Variants in WFDC2 observed in about 807,000 individuals in gnomAD.
WFDC2 encodes the protein WAP four-disulfide core domain protein 2.
A neutral mutation model predicts 12.5 loss-of-function variants in WFDC2; 8 were observed. The ratio of observed to expected loss-of-function variants is 0.64; its 90% CI spans 0.37 to 1.15. The LOEUF (loss-of-function observed/expected upper bound fraction) is 1.15. WFDC2 is among the 50% of genes most tolerant of loss of function. The pLI is 0.01. For missense variants in WFDC2, 166 were observed against 159.9 expected (o/e 1.04, Z -0.21); for synonymous variants, 74 against 67.2 (o/e 1.10, Z -0.49).
chr20:45,476,107 A>G (rs1050947017), intron 2 of WFDC2, among the ~76,000 whole-genome samples: 1 of 152,136 alleles, frequency 6.6e-6, no homozygotes, highest in Non-Finnish European at 1.5e-5. Context: ...CAGCACACCA[A>G]TGGGTCTTGA....
At chr20:45,469,996 G>T (rs1384966985) in intron 1 of WFDC2, 136 bp downstream of exon 1, 1 of 1,121,012 alleles carries the variant, frequency 8.9e-7, no homozygotes, top group East Asian at 2.6e-5. Flanking sequence ...GACCCTTGGA[G>T]CCTAGGGTGT....
chr20:45,478,333 C>T (rs537157871), intron 2 of WFDC2, among the ~76,000 whole-genome samples: 16 of 152,234 alleles, frequency 1.1e-4, no homozygotes, highest in Middle Eastern at 3.4e-3. Flanking sequence ...TTGTGAAGAC[C>T]GTGGGAAAAG....
intron 2 of WFDC2, among the ~76,000 whole-genome samples, chr20:45,472,568 G>T (rs978183591): frequency 7.0e-6 from 1 of 143,520 alleles, no homozygotes; most frequent in Non-Finnish European, 1.5e-5. Flanking sequence ...GAACAGTGCT[G>T]CAATAAACCT....
intron 2 of WFDC2, among the ~76,000 whole-genome samples, chr20:45,477,920 T>C (rs1021600602): frequency 6.6e-6 from 1 of 152,254 alleles, no homozygotes; most frequent in Non-Finnish European, 1.5e-5. Context: ...TGTGTTGGGC[T>C]CTGCCCAGTT....
intron 2 of WFDC2, among the ~76,000 whole-genome samples, chr20:45,478,029 C>G (rs563805008): frequency 6.6e-6 from 1 of 152,202 alleles, no homozygotes; most frequent in Non-Finnish European, 1.5e-5. Context: ...CTTGAGAGTT[C>G]CAGGTCAACT....
Position 45,470,251 on chromosome 20 carries a change from A to G in WFDC2, c.80-138A>G. 1 of 1,242,584 alleles carries G rather than the reference A, an allele frequency of 8.0e-7. No homozygotes were observed. The highest frequency in any genetic ancestry group is 2.9e-5 in the Admixed American group (1 of 34,844). The allele number at this position is 1,242,584 out of a possible 1,614,324, so 77.0% of individuals were successfully genotyped here. A position where few individuals can be genotyped will look rare whatever the true frequency, so the allele number is the denominator to read the frequency against. ...CAGGGACTCCTGGTCTGGAAGAAGG[A>G]GTCTCTGGGGGCTGTAAGGGGACTC... is the stretch of plus-strand genomic sequence containing the variant. On this transcript the variant is annotated intron_variant, in intron 1 of 3. Coordinates refer to ENST00000372676, the MANE Select transcript of WFDC2 (RefSeq NM_006103.4). The surrounding 1 kb of genome is among the most constrained non-coding windows in gnomAD (Gnocchi z 5.4).
intron 2 of WFDC2, among the ~76,000 whole-genome samples, chr20:45,477,223 G>A (rs553903027): frequency 6.6e-6 from 1 of 152,150 alleles, no homozygotes; most frequent in South Asian, 2.1e-4. Context: ...TCCCTTGCTG[G>A]CGAGGAATTG....
intron 2 of WFDC2, chr20:45,479,679 G>A (rs1991275961): frequency 2.5e-6 from 4 of 1,613,970 alleles, no homozygotes; most frequent in Non-Finnish European, 3.4e-6. Context: ...GGAGGCTCTG[G>A]GAGATTTCTG....
At chr20:45,478,228 T>C in intron 2 of WFDC2, among the ~76,000 whole-genome samples, 1 of 152,136 alleles carries the variant, frequency 6.6e-6, no homozygotes, top group Non-Finnish European at 1.5e-5. Flanking sequence ...ATCCTGCAGC[T>C]AGCTCAGTGT....
At chr20:45,478,818 G>T (rs1168197508) in intron 2 of WFDC2, among the ~76,000 whole-genome samples, 1 of 151,986 alleles carries the variant, frequency 6.6e-6, no homozygotes, top group Non-Finnish European at 1.5e-5. Context: ...AGTAGAGCGG[G>T]GGGTCTCGAG....
chr20:45,469,754 C>T lies in WFDC2; in HGVS notation c.-28C>T, dbSNP rs1282912321. 1 of 1,593,630 alleles carries T rather than the reference C, an allele frequency of 6.3e-7. No individual in the cohort carries two copies. The highest frequency in any genetic ancestry group is 1.7e-5 in the Admixed American group (1 of 57,870). On this transcript the variant is annotated 5_prime_UTR_variant, in exon 1 of 4. Transcript: ENST00000372676. ...ATCCCCGCACCTGAGCATCGGCTCA[C>T]ACCTGCACCCCGCCCGGGCATAGCA...
chr20:45,471,026 A>G, intron 2 of WFDC2: 1 of 414,130 alleles, frequency 2.4e-6, no homozygotes, highest in Non-Finnish European at 5.1e-6. Context: ...CAGATTTAGG[A>G]AAATGCCCCG....
chr20:45,470,269 G>A lies in WFDC2; in HGVS notation c.80-120G>A. 1 of 1,371,694 alleles carries A rather than the reference G, an allele frequency of 7.3e-7. No individual in the cohort carries two copies. Among genetic ancestry groups the A allele is most frequent in the Non-Finnish European group, 9.7e-7 (1 of 1,034,330 alleles). 85.0% of individuals were successfully genotyped at this position (1,371,694 alleles called of 1,614,324 possible). A position where few individuals can be genotyped will look rare whatever the true frequency, so the allele number is the denominator to read the frequency against. ...AAGAAGGAGTCTCTGGGGGCTGTAA[G>A]GGGACTCCTAGGGCCAGAGACTGAG... On this transcript the variant is annotated intron_variant, in intron 1 of 3. Transcript: ENST00000372676. This position sits in a 1 kb window ranked among gnomAD's most constrained non-coding sequence, Gnocchi z 5.4.
rs914549307 is a variant in WFDC2 at position 45,470,653 on chromosome 20, G to A, written c.223+121G>A. ...ACCCGGGGACCCCCGGGAAAGTCAA[G>A]GCGGTTGAAACCAGATCCGTCAGTC... is the stretch of plus-strand genomic sequence containing the variant. On this transcript the variant is annotated intron_variant, in intron 2 of 3. Coordinates refer to ENST00000372676, the MANE Select transcript of WFDC2 (RefSeq NM_006103.4). This position sits in a 1 kb window ranked among gnomAD's most constrained non-coding sequence, Gnocchi z 5.4. 8.8e-6 allele frequency: 12 copies of A among 1,369,812 alleles called. No homozygotes were observed. Among genetic ancestry groups the A allele is most frequent in the East Asian group, 2.5e-5 (1 of 39,674 alleles). 84.9% of individuals were successfully genotyped at this position (1,369,812 alleles called of 1,614,324 possible).
In WFDC2 at chr20:45,479,422, C is replaced by T. The variant is rs1000916770; in HGVS notation, c.224-520C>T. 3.8e-5 allele frequency: 20 copies of T among 533,192 alleles called. 1 individual carries two copies. Among genetic ancestry groups the T allele is most frequent in the African/African-American group, 3.6e-4 (19 of 52,604 alleles). The allele number at this position is 533,192 out of a possible 1,614,324, so 33.0% of individuals were successfully genotyped here. A position where few individuals can be genotyped will look rare whatever the true frequency, so the allele number is the denominator to read the frequency against. On this transcript the variant is annotated intron_variant, in intron 2 of 3. Transcript: ENST00000372676. ...AGTGCCTCAGTTTCCTCACTTGTAA[C>T]ACAAGGAAATATTAACAGATCCCTC...
chr20:45,470,242 GGAA>G lies in WFDC2; in HGVS notation c.80-142_80-140del, dbSNP rs958325980. The G allele has an allele frequency of 9.2e-6, 11 of 1,194,224 alleles. No homozygotes were observed. The highest frequency in any genetic ancestry group is 1.6e-5 in the South Asian group (1 of 62,066). The allele number at this position is 1,194,224 out of a possible 1,614,324, so 74.0% of individuals were successfully genotyped here. On this transcript the variant is annotated intron_variant, in intron 1 of 3. Transcript: ENST00000372676. The surrounding 1 kb of genome is among the most constrained non-coding windows in gnomAD (Gnocchi z 5.4). The stretch of plus-strand genomic sequence containing the variant: ...CCCAGGGGTCAGGGACTCCTGGTCT[GGAA>G]GAAGGAGTCTCTGGGGGCTGTAAGG...
At chr20:45,469,967 C>A in intron 1 of WFDC2, 107 bp downstream of exon 1, 1 of 1,410,476 alleles carries the variant, frequency 7.1e-7, no homozygotes. Flanking sequence ...GTGGGAATTC[C>A]GGGGGCGGAA....
chr20:45,469,756 CCTG>C lies in WFDC2; in HGVS notation c.-24_-22del, dbSNP rs1568968919. On this transcript the variant is annotated 5_prime_UTR_variant, in exon 1 of 4. Coordinates refer to ENST00000372676, the MANE Select transcript of WFDC2 (RefSeq NM_006103.4). The stretch of plus-strand genomic sequence containing the variant: ...CCCCGCACCTGAGCATCGGCTCACA[CCTG>C]CACCCCGCCCGGGCATAGCACCATG... 1 of 1,596,220 alleles carries C rather than the reference CCTG, an allele frequency of 6.3e-7. No individual in the cohort carries two copies. Among genetic ancestry groups the C allele is most frequent in the Non-Finnish European group, 8.5e-7 (1 of 1,171,110 alleles).
chr20:45,469,856 C>T lies in WFDC2; in HGVS notation c.75C>T (p.Val25=). The T allele has an allele frequency of 6.2e-7, 1 of 1,608,468 alleles. No individual in the cohort carries two copies. Residue 25 remains valine (V), a synonymous_variant, in exon 1 of 4, where the codon GTC becomes GTT. Transcript: ENST00000372676. ...LSLLLFGFTL[V]SGTGAEKTGV... is the part of the protein sequence containing the mutation. ...TGCTGCTGTTCGGCTTCACCCTAGT[C>T]TCAGGTGAGTGGGGCGGGGAGAGGC...
Sources: allele counts gnomAD v4.1 joint callset (sites outside exome capture counted in the v4.1 genomes callset), GRCh38; gene constraint gnomAD v4.1.1; non-coding constraint Gnocchi (gnomAD v3.1); transcripts MANE v1.5; gene names NCBI Gene and HGNC (gene_info 2026-07-23, HGNC 2026-07-21).